Variants in CSMD1 observed in about 807,000 individuals in gnomAD.
CSMD1 encodes the protein CUB and sushi domain-containing protein 1.
A neutral mutation model predicts 417.5 loss-of-function variants in CSMD1; 213 were observed. That is an observed-to-expected ratio of 0.51 (90% CI 0.46 to 0.57). CSMD1 has a LOEUF of 0.57. Among genes scored for constraint, CSMD1 ranks in the 20% least tolerant of loss-of-function variants. The probability of loss-of-function intolerance (pLI) is 0.00; values close to 1 mark genes in which losing one functional copy is unlikely to be tolerated. For missense variants in CSMD1, 6,923 were observed against 4,529.7 expected (o/e 1.53, Z -15.17); for synonymous variants, 2,862 against 1,736.8 (o/e 1.65, Z -16.11).
intron 2 of CSMD1, among the ~76,000 whole-genome samples, chr8:4,442,307 T>C (rs989870895): frequency 2.6e-5 from 4 of 152,142 alleles, no homozygotes; most frequent in African/African-American, 9.7e-5. Flanking sequence ...AGAAAAGAAA[T>C]GAACACAAAG....
chr8:4,525,837 C>T (rs536107418), intron 2 of CSMD1, among the ~76,000 whole-genome samples: 28 of 152,260 alleles, frequency 1.8e-4, no homozygotes, highest in Middle Eastern at 3.4e-3. Flanking sequence ...AGGAGGCCCT[C>T]TTGACATGTG....
chr8:4,606,702 T>G (rs1185531856), intron 2 of CSMD1, among the ~76,000 whole-genome samples: 1 of 152,248 alleles, frequency 6.6e-6, no homozygotes, highest in Non-Finnish European at 1.5e-5. Flanking sequence ...ATTGTATTAT[T>G]GATCTATCCT....
intron 2 of CSMD1, among the ~76,000 whole-genome samples, chr8:4,604,645 T>C (rs1176614171): frequency 6.6e-6 from 1 of 152,130 alleles, no homozygotes; most frequent in East Asian, 1.9e-4. Flanking sequence ...TGAAATGGAA[T>C]CAGAACATCA....
At chr8:3,072,184 G>T (rs1388728767) in intron 49 of CSMD1, among the ~76,000 whole-genome samples, 2 of 152,200 alleles carry the variant, frequency 1.3e-5, no homozygotes, top group Non-Finnish European at 2.9e-5. Context: ...TGTCTGCACA[G>T]ATTCAAACTA....
At chr8:3,310,377 C>G (rs775153813) in intron 23 of CSMD1, among the ~76,000 whole-genome samples, 13 of 152,182 alleles carry the variant, frequency 8.5e-5, no homozygotes, top group Non-Finnish European at 1.5e-4. Context: ...AGCATCTGAA[C>G]AAGTCTTTAG....
At chr8:3,480,325 G>C (rs771831407) in intron 11 of CSMD1, among the ~76,000 whole-genome samples, 6 of 152,152 alleles carry the variant, frequency 3.9e-5, no homozygotes, top group Non-Finnish European at 8.8e-5. Context: ...TCGTGCCACT[G>C]CACTCCAGCC....
chr8:3,449,451 G>C (rs1388182010), intron 12 of CSMD1, among the ~76,000 whole-genome samples: 1 of 151,996 alleles, frequency 6.6e-6, no homozygotes, highest in Non-Finnish European at 1.5e-5. Context: ...GACTCGGAAA[G>C]TGAATTTTTT....
At chr8:3,932,125 T>G (rs1300537476) in intron 5 of CSMD1, among the ~76,000 whole-genome samples, 1 of 150,360 alleles carries the variant, frequency 6.7e-6, no homozygotes, top group Non-Finnish European at 1.5e-5. Context: ...TAGATGATTT[T>G]ATGGCTTATA....
At chr8:4,919,003 T>G (rs1330253331) in intron 1 of CSMD1, among the ~76,000 whole-genome samples, 1 of 152,240 alleles carries the variant, frequency 6.6e-6, no homozygotes, top group African/African-American at 2.4e-5. Flanking sequence ...AAAATACATG[T>G]ACCAAAAGAT....
At chr8:4,284,101 C>T (rs1796932245) in intron 3 of CSMD1, among the ~76,000 whole-genome samples, 1 of 152,146 alleles carries the variant, frequency 6.6e-6, no homozygotes, top group Admixed American at 6.5e-5. Flanking sequence ...GGCATGGTGG[C>T]TCACACCTGT....
chr8:4,892,627 G>A (rs559164523), intron 1 of CSMD1, among the ~76,000 whole-genome samples: 9 of 152,014 alleles, frequency 5.9e-5, no homozygotes, highest in African/African-American at 1.2e-4. Context: ...TTCCTTAGAC[G>A]TGAACACTTA....
At chr8:3,452,763 T>G (rs914927062) in intron 12 of CSMD1, among the ~76,000 whole-genome samples, 2 of 152,216 alleles carry the variant, frequency 1.3e-5, no homozygotes, top group African/African-American at 2.4e-5. Context: ...ATCAGGGATA[T>G]TGGTCTAAAA....
intron 5 of CSMD1, among the ~76,000 whole-genome samples, chr8:3,922,474 T>G (rs1809345093): frequency 6.6e-6 from 1 of 152,094 alleles, no homozygotes; most frequent in Non-Finnish European, 1.5e-5. Context: ...CGTCACATTT[T>G]CTTTCATAAT....
chr8:3,209,263 G>T (rs184441663), intron 30 of CSMD1, among the ~76,000 whole-genome samples: 2 of 150,224 alleles, frequency 1.3e-5, no homozygotes, highest in Non-Finnish European at 3.0e-5. Flanking sequence ...GAAAAATATG[G>T]ATAGAATTTT....
chr8:3,809,379 G>A (rs979808426), intron 5 of CSMD1, among the ~76,000 whole-genome samples: 13 of 152,140 alleles, frequency 8.5e-5, no homozygotes, highest in African/African-American at 2.9e-4. Flanking sequence ...TACTCACTAG[G>A]CTCTGTTTCA....
intron 26 of CSMD1, among the ~76,000 whole-genome samples, chr8:3,281,386 G>T (rs1252207277): frequency 6.6e-6 from 1 of 152,284 alleles, no homozygotes; most frequent in African/African-American, 2.4e-5. Flanking sequence ...AGAGGCTCCA[G>T]TGAGCCAAGA....
intron 4 of CSMD1, among the ~76,000 whole-genome samples, chr8:4,014,537 C>G (rs1200904050): frequency 6.6e-6 from 1 of 152,132 alleles, no homozygotes; most frequent in Non-Finnish European, 1.5e-5. Context: ...CTATGCGATC[C>G]TAATAGCCGT....
rs71209112 is a variant in CSMD1, at chr8:4,680,950, ATGTG to A, written c.86-43396_86-43393del. 6.0e-3 allele frequency among the ~76,000 whole-genome samples: 866 copies of A among 144,460 alleles called. 3 individuals carry two copies. Among genetic ancestry groups the A allele is most frequent in the African/African-American group, 0.016 (618 of 38,272 alleles). The allele number at this position is 144,460 out of a possible 152,430, so 94.8% of individuals were successfully genotyped here. On this transcript the variant is annotated intron_variant, in intron 1 of 69. Transcript: ENST00000635120. ...ACAAACCCCTAATCTATCTATATTG[ATGTG>A]TGTGTGTGTGTGTGTGTGTGTGAGA... is the stretch of plus-strand genomic sequence containing the variant.
At chr8:3,832,542 T>C (rs975251663) in intron 5 of CSMD1, among the ~76,000 whole-genome samples, 3 of 152,296 alleles carry the variant, frequency 2.0e-5, no homozygotes, top group African/African-American at 4.8e-5. Context: ...TGTCTTATTG[T>C]ATATGTCTGA....
Sources: allele counts gnomAD v4.1 joint callset (sites outside exome capture counted in the v4.1 genomes callset), GRCh38; gene constraint gnomAD v4.1.1; transcripts MANE v1.5; gene names NCBI Gene and HGNC (gene_info 2026-07-23, HGNC 2026-07-21).